The following UPK3B variants were observed in gnomAD, a reference collection of about 807,000 sequenced individuals.
The protein encoded by UPK3B is uroplakin 3B, also known as uroplakin-3b.
Under a neutral mutation model 27.6 loss-of-function variants are expected in UPK3B, and 21 were observed. The ratio of observed to expected loss-of-function variants is 0.76; its 90% CI spans 0.54 to 1.10. The LOEUF (loss-of-function observed/expected upper bound fraction) is 1.10, where lower values mean the gene tolerates loss of function less well. Among genes scored for constraint, UPK3B ranks in the 50% least tolerant of loss-of-function variants. The probability of loss-of-function intolerance (pLI) is 0.00; values close to 1 mark genes in which losing one functional copy is unlikely to be tolerated. For synonymous variants in UPK3B, 141 were observed against 162.3 expected (o/e 0.87, Z 1.00); for missense variants, 306 against 376.1 (o/e 0.81, Z 1.54).
chr7:76,513,263 G>T (rs1812598879), intron 4 of UPK3B, 100 bp downstream of exon 4: 2 of 1,158,924 alleles, frequency 1.7e-6, no homozygotes, highest in Non-Finnish European at 2.5e-6. Context: ...AGGGCTGGGG[G>T]CCTGGAGGCC....
rs752285182 is a variant in UPK3B at position 76,510,738 on chromosome 7, G to T, written c.85+1G>T. 6.5e-7 allele frequency: 1 copy of T among 1,527,450 alleles called. No homozygotes were observed. The highest frequency in any genetic ancestry group is 8.8e-7 in the Non-Finnish European group (1 of 1,135,732). The allele number at this position is 1,527,450 out of a possible 1,614,324, so 94.6% of individuals were successfully genotyped here. ...TGTCTCCGGCCCAGCCTGAGCCTGG[G>T]TGAGTGGGGGTCCTGGATGGACGCG... is the stretch of plus-strand genomic sequence containing the variant. On this transcript the variant is annotated splice_donor_variant, in intron 1 of 5. Transcript: ENST00000334348. LOFTEE classifies it high-confidence loss of function.
chr7:76,511,753 C>T lies in UPK3B; in HGVS notation c.332C>T (p.Pro111Leu), dbSNP rs780469966. 28 of 1,610,298 alleles carry T rather than the reference C, an allele frequency of 1.7e-5. 1 individual carries two copies. Among genetic ancestry groups the T allele is most frequent in the South Asian group, 7.7e-5 (7 of 90,610 alleles). ...DGHYMTLPLS[P>L]DQLPCGDPMA... Reference sequence around the variant, plus strand: ...CACTACATGACGCTGCCCCTGTCTCCGGACCAGCTGCCCTGTGGCGACCCC... The same window carrying T: ...CACTACATGACGCTGCCCCTGTCTCTGGACCAGCTGCCCTGTGGCGACCCC... The change falls in exon 3 of 6, where the codon CCG (proline) becomes CTG (leucine). Residue 111 changes from proline (P) to leucine (L), a missense_variant. Coordinates refer to ENST00000334348, the MANE Select transcript of UPK3B (RefSeq NM_001347684.2).
Position 76,514,061 on chromosome 7 carries a change from C to G in UPK3B, c.656C>G (p.Ala219Gly). 1 of 1,614,018 alleles carries G rather than the reference C, an allele frequency of 6.2e-7. No homozygotes were observed. Among genetic ancestry groups the G allele is most frequent in the South Asian group, 1.1e-5 (1 of 91,080 alleles). ...AGLLLLAFLA[A>G]STMRFSSLWW... is the part of the protein sequence containing the mutation. ...CTCCTACTCTTGGCCTTCTTGGCAG[C>G]CTCTACCATGCGCTTGTGAGTGGGG... The change falls in exon 5 of 6, where the codon GCC (alanine) becomes GGC (glycine). Residue 219 changes from alanine (A) to glycine (G), a missense_variant. By Grantham distance (60) the Ala-to-Gly change is moderately conservative (BLOSUM62 0). Coordinates refer to ENST00000334348, the MANE Select transcript of UPK3B (RefSeq NM_001347684.2).
chr7:76,515,238 G>A lies in UPK3B; in HGVS notation c.*34G>A. The A allele has an allele frequency of 1.3e-6, 2 of 1,582,040 alleles. No individual in the cohort carries two copies. Among genetic ancestry groups the A allele is most frequent in the South Asian group, 1.2e-5 (1 of 86,608 alleles). ...CTTTGCATGGGGCTGGGGGAGATGG[G>A]GCGCTGGGAGTGAGTGCATGGTGCT... is the stretch of plus-strand genomic sequence containing the variant. On this transcript the variant is annotated 3_prime_UTR_variant, in exon 6 of 6. Transcript: ENST00000334348.
At chr7:76,512,878 GA>G (rs891232538) in intron 3 of UPK3B, among the ~76,000 whole-genome samples, 1 of 152,164 alleles carries the variant, frequency 6.6e-6, no homozygotes, top group Non-Finnish European at 1.5e-5. Flanking sequence ...TCGGGGGGAT[GA>G]GGGGTGGTGG....
Position 76,514,176 on chromosome 7 carries a change from T to C in UPK3B, c.671+100T>C, listed in dbSNP as rs1256468229. ...CCCTCCAGGCATGCCATGGGGTTTATTTTATTTTTGGTAGAGACAGGGACT... is the reference window on the plus strand; with the variant it reads ...CCCTCCAGGCATGCCATGGGGTTTACTTTATTTTTGGTAGAGACAGGGACT... On this transcript the variant is annotated intron_variant, in intron 5 of 5. Coordinates refer to ENST00000334348, the MANE Select transcript of UPK3B (RefSeq NM_001347684.2). 1.3e-5 allele frequency: 20 copies of C among 1,565,948 alleles called. 1 individual carries two copies. In the Admixed American group the frequency reaches 3.5e-4, roughly 27 times the overall value.
Position 76,514,089 on chromosome 7 carries a change from A to C in UPK3B, c.671+13A>C, listed in dbSNP as rs532827535. ...CTACCATGCGCTTGTGAGTGGGGAC[A>C]CCCCCTCGGGCCCCTCTCCCACCCA... On this transcript the variant is annotated intron_variant, in intron 5 of 5. Coordinates refer to ENST00000334348, the MANE Select transcript of UPK3B (RefSeq NM_001347684.2). 75 of 1,613,214 alleles carry C rather than the reference A, an allele frequency of 4.6e-5. No homozygotes were observed. In the South Asian group the frequency reaches 6.4e-4, roughly 14 times the overall value.
Position 76,516,044 on chromosome 7 carries a change from T to A in UPK3B, c.*840T>A. ...GCCTCCATCACCTGGAAGGACCCTC[T>A]GTGCAAAACCTCAAGCGTCCATCTG... On this transcript the variant is annotated 3_prime_UTR_variant, in exon 6 of 6. Transcript: ENST00000334348. 1 of 609,688 alleles carries A rather than the reference T, an allele frequency of 1.6e-6. No homozygotes were observed. Among genetic ancestry groups the A allele is most frequent in the Non-Finnish European group, 1.9e-6 (1 of 529,240 alleles). The allele number at this position is 609,688 out of a possible 1,614,324, so 37.8% of individuals were successfully genotyped here.
In UPK3B at chr7:76,515,837, T is replaced by G; in HGVS notation, c.*633T>G. On this transcript the variant is annotated 3_prime_UTR_variant, in exon 6 of 6. Coordinates refer to ENST00000334348, the MANE Select transcript of UPK3B (RefSeq NM_001347684.2). Reference sequence around the variant, plus strand: ...CTTATCCACCCCCTCAAGCATTTATTAAGCATCTGCTGTATGCTACATACA... The same window carrying G: ...CTTATCCACCCCCTCAAGCATTTATGAAGCATCTGCTGTATGCTACATACA... The G allele has an allele frequency of 6.5e-6, 4 of 611,618 alleles. 2 individuals are homozygous for G. The highest frequency in any genetic ancestry group is 1.8e-4 in the South Asian group (2 of 11,368). 37.9% of individuals were successfully genotyped at this position (611,618 alleles called of 1,614,324 possible). A position where few individuals can be genotyped will look rare whatever the true frequency, so the allele number is the denominator to read the frequency against.
chr7:76,513,393 C>T (rs867131452), intron 4 of UPK3B, among the ~76,000 whole-genome samples: 8 of 152,284 alleles, frequency 5.3e-5, no homozygotes, highest in African/African-American at 1.7e-4. Flanking sequence ...ACATTGTGGG[C>T]ACAGACAGCC....
chr7:76,515,053 T>C lies in UPK3B; in HGVS notation c.680T>C (p.Leu227Pro), dbSNP rs1259577686. 1 of 1,580,136 alleles carries C rather than the reference T, an allele frequency of 6.3e-7. No individual in the cohort carries two copies. Among genetic ancestry groups the C allele is most frequent in the South Asian group, 1.2e-5 (1 of 86,602 alleles). ...CTCCTCTCCCCGCCCAGCTCCAGCCTGTGGTGGCCGGAGGAGGCCCCGGAG... is the reference window on the plus strand; with the variant it reads ...CTCCTCTCCCCGCCCAGCTCCAGCCCGTGGTGGCCGGAGGAGGCCCCGGAG... The part of the protein sequence containing the change: ...LAASTMRFSS[L>P]WWPEEAPEQL... Residue 227 changes from leucine to proline, a missense_variant, in exon 6 of 6, where the codon CTG becomes CCG. Physicochemically the swap from Leu to Pro is moderately conservative, Grantham distance 98. Transcript: ENST00000334348.
At chr7:76,514,502 T>C (rs1812661373) in intron 5 of UPK3B, among the ~76,000 whole-genome samples, 1 of 152,214 alleles carries the variant, frequency 6.6e-6, no homozygotes, top group Non-Finnish European at 1.5e-5. Flanking sequence ...CCTCACCTGC[T>C]GTCTGTGGAT....
Position 76,515,664 on chromosome 7 carries a change from A to C in UPK3B, c.*460A>C. 3 of 620,124 alleles carry C rather than the reference A, an allele frequency of 4.8e-6. No homozygotes were observed. The highest frequency in any genetic ancestry group is 9.8e-5 in the Admixed American group (1 of 10,192). The allele number at this position is 620,124 out of a possible 1,614,324, so 38.4% of individuals were successfully genotyped here. A position where few individuals can be genotyped will look rare whatever the true frequency, so the allele number is the denominator to read the frequency against. ...CCACCCTCCGTCCCCCATCCCACAC[A>C]TCAGTGGCTGGGCGGGGTGAGGATT... On this transcript the variant is annotated 3_prime_UTR_variant, in exon 6 of 6. Transcript: ENST00000334348.
rs375654608 is a variant in UPK3B at position 76,511,631 on chromosome 7, C to T, written c.236-26C>T. ...GACAAAGCTGCTTTCTCCCCTCCCA[C>T]CTCCATCTGTTCTCTCCTCCTGCAG... is the stretch of plus-strand genomic sequence containing the variant. On this transcript the variant is annotated intron_variant, in intron 2 of 5. Coordinates refer to ENST00000334348, the MANE Select transcript of UPK3B (RefSeq NM_001347684.2). 4.7e-5 allele frequency: 73 copies of T among 1,548,774 alleles called. No individual in the cohort carries two copies. The African/African-American group carries it at 8.7e-4, about 19-fold the overall frequency.
rs1812699310 is a variant in UPK3B at position 76,515,272 on chromosome 7, G to C, written c.*68G>C. On this transcript the variant is annotated 3_prime_UTR_variant, in exon 6 of 6. Transcript: ENST00000334348. ...AGTGAGTGCATGGTGCTTTGTCCCA[G>C]CTCCTGCACCCACAGGCCCCCTCAG... 2.6e-6 allele frequency: 4 copies of C among 1,551,642 alleles called. No homozygotes were observed. The highest frequency in any genetic ancestry group is 3.5e-6 in the Non-Finnish European group (4 of 1,147,100).
rs747818478 is a variant in UPK3B, at chr7:76,510,985, G to A, written c.168G>A (p.Pro56=). 1.8e-4 allele frequency: 278 copies of A among 1,586,050 alleles called. No individual in the cohort carries two copies. The highest frequency in any genetic ancestry group is 2.2e-4 in the Non-Finnish European group (260 of 1,167,412). ...VTATTFSLEQ[P]RCVFDGLASA... is the part of the protein sequence containing the mutation. The stretch of plus-strand genomic sequence containing the variant: ...CCACCACCTTCTCCCTGGAGCAGCC[G>A]CGCTGTGTCTTCGATGGGCTTGCCA... The change falls in exon 2 of 6, where the codon CCG becomes CCA. Residue 56 remains proline (P), a synonymous_variant. Coordinates refer to ENST00000334348, the MANE Select transcript of UPK3B (RefSeq NM_001347684.2).
chr7:76,513,410 C>T (rs1432054225), intron 4 of UPK3B, among the ~76,000 whole-genome samples: 1 of 152,300 alleles, frequency 6.6e-6, no homozygotes, highest in East Asian at 1.9e-4. Flanking sequence ...AGCCTCCCCC[C>T]TCCTGTAGGG....
intron 4 of UPK3B, 70 bp from the exon 5 acceptor site, chr7:76,513,877 G>A: frequency 6.2e-7 from 1 of 1,603,560 alleles, no homozygotes; most frequent in Non-Finnish European, 8.5e-7. Context: ...TGGGGAGGGA[G>A]CGAGGGAGGA....
At chr7:76,512,106 G>A (rs1269026551) in intron 3 of UPK3B, among the ~76,000 whole-genome samples, 2 of 152,050 alleles carry the variant, frequency 1.3e-5, no homozygotes, top group African/African-American at 4.8e-5. Context: ...TTGGGGAGGC[G>A]GGATCTTAGT....
Sources: gnomAD v4.1 joint callset for allele counts (sites outside exome capture counted in the v4.1 genomes callset) on GRCh38, gnomAD v4.1.1 for gene constraint, MANE v1.5 for transcripts, NCBI Gene and HGNC (gene_info 2026-07-23, HGNC 2026-07-21) for gene names.